NDUFV3: variants seen among roughly 807,000 people sequenced by gnomAD.
NDUFV3 encodes the protein NADH:ubiquinone oxidoreductase subunit V3, also known as NADH dehydrogenase [ubiquinone] flavoprotein 3, mitochondrial.
NDUFV3 carries 44 observed loss-of-function variants against 37.5 expected under a neutral mutation model. The ratio of observed to expected loss-of-function variants is 1.17; its 90% CI spans 0.92 to 1.51. NDUFV3 has a LOEUF of 1.51. Among genes scored for constraint, NDUFV3 ranks in the 40% most tolerant of loss-of-function variants. The pLI is 0.00. For synonymous variants in NDUFV3, 235 were observed against 239.3 expected, an observed-to-expected ratio of 0.98 and a Z score of 0.17; for missense variants, 580 against 580.4, an observed-to-expected ratio of 1.00 and a Z score of 0.01.
At chr21:42,896,505 T>A (rs977151053) in intron 1 of NDUFV3, among the ~76,000 whole-genome samples, 1 of 151,924 alleles carries the variant, frequency 6.6e-6, no homozygotes, top group African/African-American at 2.4e-5. Flanking sequence ...TCAGAACTCC[T>A]GACCTCAAGT....
intron 3 of NDUFV3, 120 bp downstream of exon 3, chr21:42,904,396 T>TAC (rs1568860211): frequency 7.2e-7 from 1 of 1,380,802 alleles, no homozygotes; most frequent in Non-Finnish European, 1.0e-6. Flanking sequence ...ACTAGAAATA[T>TAC]GGCCTGTAAC....
chr21:42,904,370 A>G (rs769428798), intron 3 of NDUFV3, 94 bp downstream of exon 3: 29 of 1,513,440 alleles, frequency 1.9e-5, no homozygotes, highest in Non-Finnish European at 2.4e-5. Context: ...CAGTGTTACA[A>G]TTAGTCAAAT....
rs368042754 is a variant in NDUFV3 at position 42,897,575 on chromosome 21, A to G, written c.169+528A>G. Among the ~76,000 whole-genome samples, 28 of 152,290 alleles carry G rather than the reference A, an allele frequency of 1.8e-4. 1 individual carries two copies. The South Asian group carries it at 2.3e-3, about 12-fold the overall frequency. ...TTTTTAGTAGAGACAGGGTTTCACA[A>G]TGTTAGCCAGGATGGTCTCAATCTC... On this transcript the variant is annotated intron_variant, in intron 2 of 3. Transcript: ENST00000354250.
At chr21:42,895,567 G>A (rs902226164) in intron 1 of NDUFV3, among the ~76,000 whole-genome samples, 2 of 151,560 alleles carry the variant, frequency 1.3e-5, no homozygotes, top group South Asian at 2.1e-4. Context: ...CAAGAGAATC[G>A]CTGGAACCCA....
chr21:42,897,611 T>G (rs567209415), intron 2 of NDUFV3, among the ~76,000 whole-genome samples: 18 of 151,878 alleles, frequency 1.2e-4, no homozygotes, highest in South Asian at 6.2e-4. Flanking sequence ...CTGACCTTGT[T>G]ATCCACCCGC....
At chr21:42,908,474 C>T (rs796741507) in intron 3 of NDUFV3, among the ~76,000 whole-genome samples, 4 of 151,132 alleles carry the variant, frequency 2.6e-5, no homozygotes, top group Non-Finnish European at 5.9e-5. Context: ...TGATGAAGAA[C>T]GCTTGGTAGG....
intron 3 of NDUFV3, among the ~76,000 whole-genome samples, chr21:42,907,500 G>T (rs1190946946): frequency 6.7e-6 from 1 of 149,450 alleles, no homozygotes; most frequent in African/African-American, 2.5e-5. Context: ...CACCAGGCTG[G>T]AGTGCAGTGA....
chr21:42,906,660 G>C (rs1267635023), intron 3 of NDUFV3, among the ~76,000 whole-genome samples: 4 of 152,206 alleles, frequency 2.6e-5, no homozygotes, highest in African/African-American at 9.7e-5. Context: ...TCTTCTGTGC[G>C]CATGCGCAGA....
chr21:42,896,903 C>A, intron 1 of NDUFV3, 24 bp from the exon 2 acceptor site: 1 of 1,604,504 alleles, frequency 6.2e-7, no homozygotes, highest in Non-Finnish European at 8.5e-7. Flanking sequence ...TCTAAACATC[C>A]ATATTCATTA....
At chr21:42,900,171 C>T (rs966980353) in intron 2 of NDUFV3, among the ~76,000 whole-genome samples, 1 of 152,080 alleles carries the variant, frequency 6.6e-6, no homozygotes, top group East Asian at 1.9e-4. Context: ...TGCTGCACTC[C>T]ATCCTGGGTG....
chr21:42,897,598 C>G (rs2058698385), intron 2 of NDUFV3, among the ~76,000 whole-genome samples: 1 of 152,226 alleles, frequency 6.6e-6, no homozygotes, highest in Non-Finnish European at 1.5e-5. Context: ...TGGTCTCAAT[C>G]TCCTGACCTT....
Position 42,894,824 on chromosome 21 carries a change from C to T in NDUFV3, c.48+1443C>T, listed in dbSNP as rs76450227. ...TCATGCTTACAATCATGAACATACA[C>T]GTTTTCATGTTTATATGTGCACATA... On this transcript the variant is annotated intron_variant, in intron 1 of 3. Transcript: ENST00000354250. Among the ~76,000 whole-genome samples, 868 of 151,866 alleles carry T rather than the reference C, an allele frequency of 5.7e-3. 14 individuals carry two copies. Among genetic ancestry groups the T allele is most frequent in the East Asian group, 0.051 (264 of 5,166 alleles).
chr21:42,902,864 T>G (rs2058722574), intron 2 of NDUFV3, among the ~76,000 whole-genome samples: 1 of 152,134 alleles, frequency 6.6e-6, no homozygotes, highest in Non-Finnish European at 1.5e-5. Context: ...TCTAAGTACA[T>G]CCTCCTGTAT....
intron 1 of NDUFV3, 58 bp downstream of exon 1, chr21:42,893,439 G>A: frequency 6.6e-7 from 1 of 1,525,954 alleles, no homozygotes; most frequent in South Asian, 1.2e-5. Context: ...TAGGGGATGG[G>A]GTGAGGGGGC....
chr21:42,905,432 G>A (rs1261818223), intron 3 of NDUFV3, among the ~76,000 whole-genome samples: 5 of 152,196 alleles, frequency 3.3e-5, no homozygotes, highest in South Asian at 2.1e-4. Context: ...CCTGGACAGC[G>A]TTTCCTTCTC....
chr21:42,912,401 G>C lies in NDUFV3; in HGVS notation c.*3380G>C, dbSNP rs1453678808. On this transcript the variant is annotated 3_prime_UTR_variant, in exon 4 of 4. Transcript: ENST00000354250. ...TATCACTGCAGATGATTTCTTGATA[G>C]TCCATCTGGTGGCAATACAGTGGTC... 1 of 152,176 alleles carries C rather than the reference G, an allele frequency of 6.6e-6. No individual in the cohort carries two copies. Among genetic ancestry groups the C allele is most frequent in the Non-Finnish European group, 1.5e-5 (1 of 68,066 alleles). The allele number at this position is 152,176 out of a possible 1,614,324, so 9.4% of individuals were successfully genotyped here. A position where few individuals can be genotyped will look rare whatever the true frequency, so the allele number is the denominator to read the frequency against.
chr21:42,911,336 C>T lies in NDUFV3; in HGVS notation c.*2315C>T, dbSNP rs1243693187. The stretch of plus-strand genomic sequence containing the variant: ...TTACCACACGGGAGACTTAGCAACT[C>T]AGCCAGATTCTTCTAAACACATTTT... On this transcript the variant is annotated 3_prime_UTR_variant, in exon 4 of 4. Transcript: ENST00000354250. 1 of 151,606 alleles carries T rather than the reference C, an allele frequency of 6.6e-6. No individual in the cohort carries two copies. Among genetic ancestry groups the T allele is most frequent in the Non-Finnish European group, 1.5e-5 (1 of 67,986 alleles). 9.4% of individuals were successfully genotyped at this position (151,606 alleles called of 1,614,324 possible). A position where few individuals can be genotyped will look rare whatever the true frequency, so the allele number is the denominator to read the frequency against.
At chr21:42,897,951 C>T (rs756351030) in intron 2 of NDUFV3, among the ~76,000 whole-genome samples, 1 of 152,254 alleles carries the variant, frequency 6.6e-6, no homozygotes, top group Non-Finnish European at 1.5e-5. Context: ...GCTGGAATTA[C>T]AGGCGTGAGC....
At chr21:42,893,506 C>T in intron 1 of NDUFV3, 125 bp downstream of exon 1, 2 of 1,108,540 alleles carry the variant, frequency 1.8e-6, no homozygotes, top group South Asian at 1.4e-5. Context: ...AGTTGGGCCG[C>T]TGACCCCGCT....
Sources: gnomAD v4.1 joint callset for allele counts (sites outside exome capture counted in the v4.1 genomes callset) on GRCh38, gnomAD v4.1.1 for gene constraint, MANE v1.5 for transcripts, NCBI Gene and HGNC (gene_info 2026-07-23, HGNC 2026-07-21) for gene names.